The following ROBO2 variants were observed in gnomAD, a reference collection of about 807,000 sequenced individuals.
ROBO2 encodes the protein roundabout guidance receptor 2, also known as roundabout homolog 2.
In ROBO2, 53 loss-of-function variants were observed where a neutral mutation model predicts 160.8. That is an observed-to-expected ratio of 0.33 (90% CI 0.26 to 0.41). The LOEUF (loss-of-function observed/expected upper bound fraction) is 0.41. Ranked by LOEUF, ROBO2 falls within the 10% of genes least tolerant of loss-of-function variation. The pLI, the probability that ROBO2 is intolerant of heterozygous loss-of-function variation, is 1.00. For missense variants in ROBO2, 1,577 were observed against 1,722.4 expected (o/e 0.92, Z 1.49); for synonymous variants, 664 against 611.7 (o/e 1.09, Z -1.26).
intron 2 of ROBO2, among the ~76,000 whole-genome samples, chr3:76,054,276 T>C (rs1455050632): frequency 2.0e-5 from 3 of 152,186 alleles, no homozygotes; most frequent in Non-Finnish European, 4.4e-5. Context: ...ATATTTTATC[T>C]GAATTTAGTT....
At chr3:76,340,484 A>C (rs2074157959) in intron 2 of ROBO2, among the ~76,000 whole-genome samples, 1 of 152,190 alleles carries the variant, frequency 6.6e-6, no homozygotes, top group Admixed American at 6.5e-5. Context: ...AAATATAAGT[A>C]ATGTGAAGTC....
intron 2 of ROBO2, among the ~76,000 whole-genome samples, chr3:76,510,130 C>T (rs376225516): frequency 3.1e-4 from 47 of 152,232 alleles, no homozygotes; most frequent in African/African-American, 1.0e-3. Flanking sequence ...GAGAACAAGA[C>T]GTGCATGCAT....
At chr3:76,754,038 A>G (rs1043944246) in intron 2 of ROBO2, among the ~76,000 whole-genome samples, 2 of 151,902 alleles carry the variant, frequency 1.3e-5, no homozygotes, top group Admixed American at 1.3e-4. Context: ...AAAATTTTTT[A>G]TTGGTATAAA....
At chr3:77,285,124 C>A (rs2060494364) in intron 2 of ROBO2, among the ~76,000 whole-genome samples, 1 of 152,040 alleles carries the variant, frequency 6.6e-6, no homozygotes, top group African/African-American at 2.4e-5. Flanking sequence ...GAATCAGTTA[C>A]CTTTCAGGGT....
intron 2 of ROBO2, among the ~76,000 whole-genome samples, chr3:76,424,582 C>T (rs1425976642): frequency 6.6e-6 from 1 of 152,012 alleles, no homozygotes; most frequent in Non-Finnish European, 1.5e-5. Context: ...TGAAGAGATA[C>T]TTTATAGGGC....
intron 2 of ROBO2, among the ~76,000 whole-genome samples, chr3:76,294,442 A>T (rs144720288): frequency 1.4e-3 from 213 of 152,220 alleles, no homozygotes; most frequent in African/African-American, 4.9e-3. Flanking sequence ...GCTTAAAGAG[A>T]GTTGTCACTG....
At chr3:76,770,934 C>T (rs985782246) in intron 2 of ROBO2, among the ~76,000 whole-genome samples, 2 of 151,274 alleles carry the variant, frequency 1.3e-5, no homozygotes, top group African/African-American at 4.8e-5. Flanking sequence ...CTTTCTCACC[C>T]TTGACTACAA....
intron 23 of ROBO2, among the ~76,000 whole-genome samples, chr3:77,628,188 T>C (rs1237162541): frequency 6.6e-6 from 1 of 152,198 alleles, no homozygotes; most frequent in Non-Finnish European, 1.5e-5. Context: ...CTAACATAAA[T>C]TCATTGTTCA....
chr3:77,257,742 T>G (rs2058515522), intron 2 of ROBO2, among the ~76,000 whole-genome samples: 1 of 152,224 alleles, frequency 6.6e-6, no homozygotes, highest in Non-Finnish European at 1.5e-5. Flanking sequence ...CATTTCTGAT[T>G]TTCTAATTCC....
At chr3:77,301,247 C>T (rs947478301) in intron 2 of ROBO2, among the ~76,000 whole-genome samples, 1 of 151,940 alleles carries the variant, frequency 6.6e-6, no homozygotes, top group African/African-American at 2.4e-5. Context: ...TTTATTCAGG[C>T]TTTACATAAG....
chr3:76,058,758 T>C (rs536982519), intron 2 of ROBO2, among the ~76,000 whole-genome samples: 2,776 of 148,172 alleles, frequency 0.019, 109 homozygotes, highest in African/African-American at 0.067. Context: ...ATTAACTCGT[T>C]GTTTGGCATT....
intron 1 of ROBO2, among the ~76,000 whole-genome samples, chr3:77,086,710 G>A (rs906183185): frequency 6.6e-6 from 1 of 152,074 alleles, no homozygotes; most frequent in Admixed American, 6.6e-5. Context: ...CAGTCATTGT[G>A]TGCATCCCTT....
At chr3:76,462,885 C>G (rs2078161318) in intron 2 of ROBO2, among the ~76,000 whole-genome samples, 1 of 152,180 alleles carries the variant, frequency 6.6e-6, no homozygotes, top group African/African-American at 2.4e-5. Flanking sequence ...CTTTATAGTG[C>G]TACCCTTTGT....
intron 2 of ROBO2, among the ~76,000 whole-genome samples, chr3:76,602,846 G>A (rs1451285048): frequency 6.6e-6 from 1 of 152,216 alleles, no homozygotes; most frequent in Non-Finnish European, 1.5e-5. Flanking sequence ...TGGGGACACA[G>A]CCAAACCGTA....
chr3:76,692,206 G>T (rs1331647642), intron 2 of ROBO2, among the ~76,000 whole-genome samples: 1 of 152,134 alleles, frequency 6.6e-6, no homozygotes, highest in Non-Finnish European at 1.5e-5. Flanking sequence ...GGCAGCAGGT[G>T]CTTGAGGTCA....
chr3:76,064,463 A>G (rs1344682864), intron 2 of ROBO2, among the ~76,000 whole-genome samples: 1 of 152,118 alleles, frequency 6.6e-6, no homozygotes, highest in African/African-American at 2.4e-5. Flanking sequence ...CCAAGCTACT[A>G]GGTAGTTCCA....
intron 2 of ROBO2, among the ~76,000 whole-genome samples, chr3:77,461,361 A>G (rs1471501334): frequency 1.3e-5 from 2 of 152,030 alleles, no homozygotes; most frequent in Non-Finnish European, 2.9e-5. Context: ...TATAGATCCA[A>G]GGATTAGACA....
chr3:77,419,188 A>G (rs1325770234), intron 2 of ROBO2, among the ~76,000 whole-genome samples: 1 of 152,120 alleles, frequency 6.6e-6, no homozygotes, highest in Non-Finnish European at 1.5e-5. Context: ...GGTTTAAGTA[A>G]TGTCCTATCA....
chr3:76,269,110 A>G (rs894874993), intron 2 of ROBO2, among the ~76,000 whole-genome samples: 7 of 152,128 alleles, frequency 4.6e-5, no homozygotes, highest in Non-Finnish European at 7.4e-5. Context: ...GCACAGCAGG[A>G]TGATTGCAGT....
Sources: gnomAD v4.1 joint callset for allele counts (sites outside exome capture counted in the v4.1 genomes callset) on GRCh38, gnomAD v4.1.1 for gene constraint, MANE v1.5 for transcripts, NCBI Gene and HGNC (gene_info 2026-07-23, HGNC 2026-07-21) for gene names.